Variants in CSMD1 observed in about 807,000 individuals in gnomAD.
CSMD1 encodes CUB and sushi domain-containing protein 1.
CSMD1 carries 213 observed loss-of-function variants against 417.5 expected under a neutral mutation model. The observed-to-expected ratio is 0.51, with a 90% CI of 0.46 to 0.57. CSMD1 has a LOEUF of 0.57. Among genes scored for constraint, CSMD1 ranks in the 20% least tolerant of loss-of-function variants. The pLI is 0.00. For synonymous variants in CSMD1, 2,862 were observed against 1,736.8 expected, an observed-to-expected ratio of 1.65 and a Z score of -16.11; for missense variants, 6,923 against 4,529.7, an observed-to-expected ratio of 1.53 and a Z score of -15.17.
intron 2 of CSMD1, among the ~76,000 whole-genome samples, chr8:4,502,298 C>T (rs1802299625): frequency 6.6e-6 from 1 of 152,102 alleles, no homozygotes; most frequent in Admixed American, 6.6e-5. Context: ...CTCCGAGGCT[C>T]AGTCTTTACA....
Position 4,978,984 on chromosome 8 carries a change from G to T in CSMD1, c.85+15348C>A, listed in dbSNP as rs149395408. 2.6e-5 allele frequency among the ~76,000 whole-genome samples: 4 copies of T among 152,142 alleles called. No individual in the cohort carries two copies. The East Asian group carries it at 5.8e-4, about 22-fold the overall frequency. ...TTTAGAAAAAATAACTCTGGAGAAA[G>T]TAGTAGCAAACCTTAAAAATCTACT... is the stretch of plus-strand genomic sequence containing the variant. On this transcript the variant is annotated intron_variant, in intron 1 of 69. Coordinates refer to ENST00000635120, the MANE Select transcript of CSMD1 (RefSeq NM_033225.6).
chr8:4,755,381 G>A (rs569394888), intron 1 of CSMD1, among the ~76,000 whole-genome samples: 3 of 152,068 alleles, frequency 2.0e-5, no homozygotes, highest in African/African-American at 4.8e-5. Flanking sequence ...CCTTCAAAGT[G>A]CTGCTTTCTC....
intron 7 of CSMD1, among the ~76,000 whole-genome samples, chr8:3,674,564 GTAC>G (rs368103337): frequency 2.1e-4 from 31 of 151,148 alleles, no homozygotes; most frequent in African/African-American, 6.8e-4. Context: ...TATGTATCAT[GTAC>G]TACATTAAGC....
intron 1 of CSMD1, among the ~76,000 whole-genome samples, chr8:4,723,207 T>A (rs930703472): frequency 6.6e-6 from 1 of 152,090 alleles, no homozygotes; most frequent in Non-Finnish European, 1.5e-5. Context: ...AGTCATAGAG[T>A]ATAACGTAGA....
chr8:3,150,100 A>C (rs1819099930), intron 40 of CSMD1, among the ~76,000 whole-genome samples: 1 of 152,212 alleles, frequency 6.6e-6, no homozygotes, highest in African/African-American at 2.4e-5. Context: ...AACGTTGCTG[A>C]AGGTGATTCC....
At chr8:3,704,378 C>G (rs1480848654) in intron 7 of CSMD1, among the ~76,000 whole-genome samples, 1 of 152,176 alleles carries the variant, frequency 6.6e-6, no homozygotes, top group Admixed American at 6.5e-5. Context: ...TAGGAACTCA[C>G]ACAGGGAGGA....
chr8:3,555,728 G>C (rs759403366), intron 10 of CSMD1, among the ~76,000 whole-genome samples: 1 of 152,116 alleles, frequency 6.6e-6, no homozygotes, highest in Middle Eastern at 3.2e-3. Context: ...TGAGTTTTCT[G>C]TTCATTTCCC....
At chr8:4,839,210 T>C (rs186428871) in intron 1 of CSMD1, among the ~76,000 whole-genome samples, 8 of 152,334 alleles carry the variant, frequency 5.3e-5, no homozygotes, top group African/African-American at 1.9e-4. Context: ...TGAGTCACTC[T>C]GAATATGCAA....
Position 4,955,875 on chromosome 8 carries a change from A to G in CSMD1, c.85+38457T>C, listed in dbSNP as rs569196768. Among the ~76,000 whole-genome samples, 19 of 152,318 alleles carry G rather than the reference A, an allele frequency of 1.2e-4. No homozygotes were observed. In the East Asian group the frequency reaches 3.5e-3, roughly 28 times the overall value. On this transcript the variant is annotated intron_variant, in intron 1 of 69. Coordinates refer to ENST00000635120, the MANE Select transcript of CSMD1 (RefSeq NM_033225.6). ...GCCAATCAGTATCTTTCCCCTCTAGAAAGTAGTTGTTAAACTTCAGAGGCA... is the reference window on the plus strand; with the variant it reads ...GCCAATCAGTATCTTTCCCCTCTAGGAAGTAGTTGTTAAACTTCAGAGGCA...
chr8:3,647,156 G>T (rs1797617330), intron 7 of CSMD1, among the ~76,000 whole-genome samples: 1 of 152,090 alleles, frequency 6.6e-6, no homozygotes, highest in Admixed American at 6.6e-5. Flanking sequence ...GGGGTGGATG[G>T]TCCTCCGGTG....
At chr8:3,853,900 T>C (rs924044577) in intron 5 of CSMD1, among the ~76,000 whole-genome samples, 2 of 146,256 alleles carry the variant, frequency 1.4e-5, no homozygotes, top group African/African-American at 2.5e-5. Context: ...TATACTTTAA[T>C]ATATTAATAC....
chr8:3,902,518 A>C (rs1017822596), intron 5 of CSMD1, among the ~76,000 whole-genome samples: 8 of 152,062 alleles, frequency 5.3e-5, no homozygotes, highest in Non-Finnish European at 1.0e-4. Flanking sequence ...TGAGATCATC[A>C]GCCATTAGAT....
chr8:4,524,012 T>C (rs1170851861), intron 2 of CSMD1, among the ~76,000 whole-genome samples: 5 of 152,068 alleles, frequency 3.3e-5, no homozygotes, highest in African/African-American at 9.7e-5. Context: ...AGGTTTTGGA[T>C]CTCCAACATT....
intron 12 of CSMD1, among the ~76,000 whole-genome samples, chr8:3,461,138 A>G (rs1353870): frequency 0.8 from 121,246 of 152,164 alleles, 48,793 homozygotes; most frequent in African/African-American, 0.91. Context: ...CGCTCTGCGG[A>G]ACTGAGGCTG....
intron 1 of CSMD1, among the ~76,000 whole-genome samples, chr8:4,868,785 T>TAAA (rs5889066): frequency 3.3e-5 from 5 of 149,922 alleles, no homozygotes; most frequent in South Asian, 2.1e-4. Context: ...GTAAAAATTG[T>TAAA]AAAAAAAAAG....
At chr8:4,352,448 T>C (rs931596204) in intron 3 of CSMD1, among the ~76,000 whole-genome samples, 3 of 152,174 alleles carry the variant, frequency 2.0e-5, no homozygotes, top group Admixed American at 1.3e-4. Flanking sequence ...AAAAAATCTT[T>C]AAAGAATAGA....
intron 3 of CSMD1, among the ~76,000 whole-genome samples, chr8:4,230,158 G>A (rs895724992): frequency 6.6e-6 from 1 of 152,108 alleles, no homozygotes; most frequent in East Asian, 1.9e-4. Flanking sequence ...GCAGTGCTGG[G>A]TATGTTTGAA....
intron 2 of CSMD1, among the ~76,000 whole-genome samples, chr8:4,524,445 T>C (rs747402208): frequency 2.0e-4 from 30 of 152,324 alleles, no homozygotes; most frequent in East Asian, 3.9e-4. Flanking sequence ...TAGGTGATGC[T>C]TGTGGCTGAA....
chr8:4,759,175 A>G (rs531375981), intron 1 of CSMD1, among the ~76,000 whole-genome samples: 3 of 152,270 alleles, frequency 2.0e-5, no homozygotes, highest in South Asian at 4.1e-4. Flanking sequence ...TGCAGCTATA[A>G]TTCTTGTTAG....
Sources: allele counts gnomAD v4.1 joint callset (sites outside exome capture counted in the v4.1 genomes callset), GRCh38; gene constraint gnomAD v4.1.1; transcripts MANE v1.5; gene names NCBI Gene and HGNC (gene_info 2026-07-23, HGNC 2026-07-21).